The following ANKRD36 variants were observed in gnomAD, a reference collection of about 807,000 sequenced individuals.
The protein encoded by ANKRD36 is ankyrin repeat domain 36, also known as ankyrin repeat domain-containing protein 36A.
In ANKRD36, 179 loss-of-function variants were observed where a neutral mutation model predicts 278.1. The ratio of observed to expected loss-of-function variants is 0.64; its 90% CI spans 0.57 to 0.73. ANKRD36 has a LOEUF of 0.73. Among genes scored for constraint, ANKRD36 ranks in the 30% least tolerant of loss-of-function variants. The pLI, the probability that ANKRD36 is intolerant of heterozygous loss-of-function variation, is 0.00. For missense variants in ANKRD36, 1,159 were observed against 1,956.7 expected (o/e 0.59, Z 7.69); for synonymous variants, 320 against 641.1 (o/e 0.50, Z 7.57).
intron 1 of ANKRD36, among the ~76,000 whole-genome samples, chr2:97,115,019 G>A (rs1356259232): frequency 6.6e-6 from 1 of 151,988 alleles, no homozygotes. Flanking sequence ...ATCAGTGAAT[G>A]GAACAGGTTA....
chr2:97,182,173 A>C (rs2443848), intron 26 of ANKRD36, among the ~76,000 whole-genome samples: 1 of 151,432 alleles, frequency 6.6e-6, no homozygotes, highest in African/African-American at 2.4e-5. Context: ...CATGGTAATA[A>C]CCCATAAACA....
intron 67 of ANKRD36, among the ~76,000 whole-genome samples, chr2:97,230,281 G>C (rs1460982288): frequency 2.0e-5 from 3 of 152,070 alleles, no homozygotes. Context: ...ACACCAATCA[G>C]ATGTAGATTT....
At chr2:97,122,358 A>T (rs2037119590) in intron 3 of ANKRD36, among the ~76,000 whole-genome samples, 1 of 150,974 alleles carries the variant, frequency 6.6e-6, no homozygotes, top group African/African-American at 2.4e-5. Context: ...CATTTTTCAA[A>T]CATGGGTGAT....
intron 6 of ANKRD36, among the ~76,000 whole-genome samples, chr2:97,131,086 C>T (rs925981517): frequency 2.6e-5 from 4 of 151,956 alleles, no homozygotes; most frequent in African/African-American, 9.7e-5. Flanking sequence ...TAATGTAAAA[C>T]ACTTTTCTGG....
At chr2:97,240,362 G>GT (rs1367442465) in intron 68 of ANKRD36, among the ~76,000 whole-genome samples, 34 of 151,296 alleles carry the variant, frequency 2.2e-4, no homozygotes, top group African/African-American at 3.9e-4. Context: ...TTTAACTGTT[G>GT]TTTTTTTTTA....
At chr2:97,153,616 C>G (rs913346356) in intron 14 of ANKRD36, among the ~76,000 whole-genome samples, 1 of 145,634 alleles carries the variant, frequency 6.9e-6, no homozygotes, top group South Asian at 2.1e-4. Flanking sequence ...TAGTTCAAAA[C>G]GCAGTCTTCT....
intron 67 of ANKRD36, among the ~76,000 whole-genome samples, chr2:97,228,572 C>G (rs1353654837): frequency 6.6e-6 from 1 of 151,928 alleles, no homozygotes; most frequent in Non-Finnish European, 1.5e-5. Context: ...TTTTGTTGAT[C>G]CTTTCAAAAA....
chr2:97,168,388 G>A (rs1375445811), intron 22 of ANKRD36, among the ~76,000 whole-genome samples: 3 of 152,262 alleles, frequency 2.0e-5, no homozygotes, highest in Non-Finnish European at 2.9e-5. Context: ...AGCTGTTTTA[G>A]CCTTAGAGTC....
intron 11 of ANKRD36, among the ~76,000 whole-genome samples, chr2:97,146,798 T>A (rs2044374699): frequency 6.6e-6 from 1 of 151,764 alleles, no homozygotes; most frequent in Non-Finnish European, 1.5e-5. Context: ...CCTGGCTCTC[T>A]AATCACTTCA....
At chr2:97,196,827 G>T in intron 42 of ANKRD36, 39 bp downstream of exon 42, 1 of 1,542,624 alleles carries the variant, frequency 6.5e-7, no homozygotes. Context: ...GTTCAGTCCA[G>T]ATAGATAAGA....
chr2:97,149,360 A>T lies in ANKRD36; in HGVS notation c.1100A>T (p.Glu367Val). The change falls in exon 12 of 76, where the codon GAG (glutamate) becomes GTG (valine). Residue 367 changes from glutamate to valine, a missense_variant and splice_region_variant. By Grantham distance (121) the Glu-to-Val change is moderately radical. Transcript: ENST00000420699. ...VTENEFSLESEIISKLYIPKR... is the reference protein window; with the variant it reads ...VTENEFSLESVIISKLYIPKR... ...GAGAATGAGTTTTCTTTGGAATCTG[A>T]GGTAGAGTACTCTCTTGTGAAATTA... The T allele has an allele frequency of 1.3e-6, 2 of 1,530,702 alleles. 1 individual carries two copies. The highest frequency in any genetic ancestry group is 2.4e-5 in the South Asian group (2 of 83,286). 94.8% of individuals were successfully genotyped at this position (1,530,702 alleles called of 1,614,324 possible).
At chr2:97,174,070 G>A (rs2053508896) in intron 22 of ANKRD36, among the ~76,000 whole-genome samples, 1 of 150,954 alleles carries the variant, frequency 6.6e-6, no homozygotes, top group Non-Finnish European at 1.5e-5. Context: ...TGTCATATTG[G>A]TTGGTTATTT....
intron 6 of ANKRD36, among the ~76,000 whole-genome samples, chr2:97,138,646 G>C (rs2042124020): frequency 6.6e-6 from 1 of 151,860 alleles, no homozygotes; most frequent in Non-Finnish European, 1.5e-5. Context: ...TAAGCAAAAA[G>C]AACAAATTTT....
chr2:97,133,363 A>G (rs1162143833), intron 6 of ANKRD36, among the ~76,000 whole-genome samples: 5 of 152,204 alleles, frequency 3.3e-5, no homozygotes, highest in Admixed American at 6.6e-5. Flanking sequence ...ACAGGTCTCT[A>G]TACAGAAGTT....
chr2:97,219,326 A>G (rs1388695358), intron 66 of ANKRD36, 80 bp downstream of exon 66: 10 of 1,312,832 alleles, frequency 7.6e-6, no homozygotes, highest in Non-Finnish European at 8.2e-6. Context: ...TCTATTCTCA[A>G]TTATTTCACT....
chr2:97,195,495 T>C (rs369045049), intron 40 of ANKRD36, among the ~76,000 whole-genome samples: 41 of 152,094 alleles, frequency 2.7e-4, no homozygotes, highest in East Asian at 2.1e-3. Flanking sequence ...CAATATTTGA[T>C]TTTGGCAGCT....
rs1176233266 is a variant in ANKRD36, at chr2:97,205,964, T to G, written c.3086T>G (p.Leu1029Trp). The change falls in exon 51 of 76, where the codon TTG becomes TGG. Residue 1029 changes from leucine (L) to tryptophan (W), a missense_variant. Leu to Trp is a moderately conservative substitution (Grantham distance 61, BLOSUM62 -2). Coordinates refer to ENST00000420699, the MANE Select transcript of ANKRD36 (RefSeq NM_001354587.1). The stretch of plus-strand genomic sequence containing the variant: ...GTGTCTTCTCAGAAACCACCAACCT[T>G]GAAGGTAATGAAACTCCCATTTATA... ...RTVSSQKPPT[L>W]KATSDEEDSV... 9.0e-6 allele frequency: 14 copies of G among 1,555,228 alleles called. 1 individual carries two copies. The East Asian group carries it at 3.1e-4, about 34-fold the overall frequency.
intron 62 of ANKRD36, among the ~76,000 whole-genome samples, chr2:97,216,096 G>C (rs1256174673): frequency 1.3e-5 from 2 of 151,874 alleles, no homozygotes; most frequent in Non-Finnish European, 2.9e-5. Flanking sequence ...GCTTCTCCAA[G>C]AACTACTGGA....
At chr2:97,208,242 C>G (rs1245866719) in intron 54 of ANKRD36, among the ~76,000 whole-genome samples, 3 of 146,676 alleles carry the variant, frequency 2.0e-5, no homozygotes, top group Non-Finnish European at 4.5e-5. Context: ...TTATGGAGAG[C>G]AGTTCAAGGC....
Sources: gnomAD v4.1 joint callset for allele counts (sites outside exome capture counted in the v4.1 genomes callset) on GRCh38, gnomAD v4.1.1 for gene constraint, MANE v1.5 for transcripts, NCBI Gene and HGNC (gene_info 2026-07-23, HGNC 2026-07-21) for gene names.